Variants in MYO5B observed in about 807,000 individuals in gnomAD.
The protein encoded by MYO5B is unconventional myosin-Vb.
In MYO5B, 143 loss-of-function variants were observed where a neutral mutation model predicts 229.3. That is an observed-to-expected ratio of 0.62 (90% CI 0.54 to 0.72). The LOEUF is 0.72. Ranked by LOEUF, MYO5B falls within the 30% of genes least tolerant of loss-of-function variation. MYO5B has a pLI of 0.00. For missense variants in MYO5B, 2,321 were observed against 2,331.0 expected (o/e 1.00, Z 0.09); for synonymous variants, 918 against 885.2 (o/e 1.04, Z -0.66).
At chr18:50,191,076 C>A (rs1599092589) in intron 1 of MYO5B, among the ~76,000 whole-genome samples, 2 of 152,200 alleles carry the variant, frequency 1.3e-5, no homozygotes, top group Admixed American at 1.3e-4. Context: ...GTAGCAGGCA[C>A]GACTTCCCTG....
chr18:49,891,718 C>T (rs763233218), intron 22 of MYO5B, among the ~76,000 whole-genome samples: 1 of 152,208 alleles, frequency 6.6e-6, no homozygotes, highest in Non-Finnish European at 1.5e-5. Flanking sequence ...GGAGAAGGCT[C>T]AACACACTCT....
intron 9 of MYO5B, among the ~76,000 whole-genome samples, chr18:49,980,190 T>C (rs1159353882): frequency 1.3e-5 from 2 of 152,230 alleles, no homozygotes; most frequent in Non-Finnish European, 2.9e-5. Context: ...TTCAGGGTAC[T>C]TGGGAAATCA....
chr18:49,984,695 T>A, intron 8 of MYO5B, 23 bp downstream of exon 8: 1 of 1,567,212 alleles, frequency 6.4e-7, no homozygotes. Context: ...GGGGCCTGCT[T>A]CCCCAACTAA....
rs1458722301 is a variant in MYO5B at position 50,051,505 on chromosome 18, TG to T, written c.138+3762del. 2.0e-5 allele frequency among the ~76,000 whole-genome samples: 3 copies of T among 152,154 alleles called. No individual in the cohort carries two copies. The East Asian group carries it at 5.8e-4, about 29-fold the overall frequency. ...GGAGTCAAGCAGTCAAAAAGGGAGG[TG>T]GGGCCAGGAGAGAGAAGGCCTGGCC... is the stretch of plus-strand genomic sequence containing the variant. On this transcript the variant is annotated intron_variant, in intron 2 of 39. Transcript: ENST00000285039.
chr18:50,085,510 T>C (rs1056129336), intron 1 of MYO5B, among the ~76,000 whole-genome samples: 7 of 151,968 alleles, frequency 4.6e-5, no homozygotes, highest in Non-Finnish European at 1.0e-4. Flanking sequence ...AGTGTGGTGA[T>C]TCCTCAGGGA....
At chr18:50,074,062 C>T (rs752712279) in intron 1 of MYO5B, among the ~76,000 whole-genome samples, 4 of 152,112 alleles carry the variant, frequency 2.6e-5, no homozygotes, top group Non-Finnish European at 4.4e-5. Context: ...AAGACATACC[C>T]GAGACTGGGA....
Position 49,902,596 on chromosome 18 carries a change from G to T in MYO5B, c.2809C>A (p.Gln937Lys), listed in dbSNP as rs772660758. The T allele has an allele frequency of 6.2e-7, 1 of 1,611,666 alleles. No homozygotes were observed. The highest frequency in any genetic ancestry group is 1.3e-5 in the African/African-American group (1 of 75,044). Residue 937 changes from glutamine (Q) to lysine (K), a missense_variant and splice_region_variant, in exon 21 of 40, where the codon CAG becomes AAG. Gln to Lys is a moderately conservative substitution (Grantham distance 53). Coordinates refer to ENST00000285039, the MANE Select transcript of MYO5B (RefSeq NM_001080467.3). The stretch of plus-strand genomic sequence containing the variant: ...GGTAGGGAGCTGCAGACACTGACCT[G>T]CTCATCGATCTTCCGCTGCAGCTGG... ...VVQLQRKIDE[Q>K]NKEFKTLSEQ...
chr18:50,169,218 A>G lies in MYO5B; in HGVS notation c.27+25549T>C, dbSNP rs1250170341. 2.4e-5 allele frequency among the ~76,000 whole-genome samples: 3 copies of G among 127,584 alleles called. 1 individual carries two copies. The highest frequency in any genetic ancestry group is 5.0e-5 in the Non-Finnish European group (3 of 59,854). 83.7% of individuals were successfully genotyped at this position (127,584 alleles called of 152,430 possible). ...CTGCTATTCAAGAGGCTGAGGCAGGAGGATCCCTTGAGCCCAAGAGGCTGC... is the reference window on the plus strand; with the variant it reads ...CTGCTATTCAAGAGGCTGAGGCAGGGGGATCCCTTGAGCCCAAGAGGCTGC... On this transcript the variant is annotated intron_variant, in intron 1 of 39. Transcript: ENST00000285039.
chr18:49,879,070 C>T lies in MYO5B; in HGVS notation c.3151G>A (p.Val1051Met). 1 of 1,614,094 alleles carries T rather than the reference C, an allele frequency of 6.2e-7. No individual in the cohort carries two copies. The highest frequency in any genetic ancestry group is 1.7e-5 in the Admixed American group (1 of 60,022). ...TCTTTCTTCATGAGATTTTCCTTCA[C>T]AGAGTTCTGGGCAAATTCATCTGGA... ...QSKDEFAQNS[V>M]KENLMKKELE... is the part of the protein sequence containing the mutation. The change falls in exon 24 of 40, where the codon GTG (valine) becomes ATG (methionine). Residue 1051 changes from valine to methionine, a missense_variant. Val to Met is a conservative substitution (Grantham distance 21, BLOSUM62 1). This residue lies in a region of MYO5B where 2,113 missense variants were observed against 2,044.7 expected (regional missense o/e 1.03). Coordinates refer to ENST00000285039, the MANE Select transcript of MYO5B (RefSeq NM_001080467.3).
intron 4 of MYO5B, among the ~76,000 whole-genome samples, chr18:50,009,572 T>C (rs1465153109): frequency 6.6e-6 from 1 of 151,998 alleles, no homozygotes; most frequent in African/African-American, 2.4e-5. Context: ...CGAAAGGTTA[T>C]GTGGGGAGAG....
rs184336681 is a variant in MYO5B at position 50,086,039 on chromosome 18, C to T, written c.28-30661G>A. Among the ~76,000 whole-genome samples the T allele has an allele frequency of 8.1e-3, 1,232 of 152,014 alleles. 17 individuals are homozygous for T. The highest frequency in any genetic ancestry group is 0.028 in the African/African-American group (1,167 of 41,440). ...ATGTAACAAACCTGCACATTGTGCACATGTACCCTAAAACTTAAAGTATAA... is the reference window on the plus strand; with the variant it reads ...ATGTAACAAACCTGCACATTGTGCATATGTACCCTAAAACTTAAAGTATAA... On this transcript the variant is annotated intron_variant, in intron 1 of 39. Coordinates refer to ENST00000285039, the MANE Select transcript of MYO5B (RefSeq NM_001080467.3).
intron 4 of MYO5B, among the ~76,000 whole-genome samples, chr18:50,030,876 G>GAAAAAAAAAAAAAAAAAAAAAAAAA (rs869189090): frequency 4.3e-4 from 13 of 30,500 alleles, no homozygotes; most frequent in Non-Finnish European, 5.2e-4. Context: ...CTCCCTTTCA[G>GAAAAAAAAAAAAAAAAAAAAAAAAA]AAAAAAAAAA....
chr18:50,019,827 A>C (rs1343189105), intron 4 of MYO5B, among the ~76,000 whole-genome samples: 1 of 152,096 alleles, frequency 6.6e-6, no homozygotes, highest in Admixed American at 6.5e-5. Context: ...AAAGAATTGG[A>C]CCAAAAAATA....
intron 1 of MYO5B, among the ~76,000 whole-genome samples, chr18:50,088,451 T>C (rs528365095): frequency 6.6e-6 from 1 of 152,222 alleles, no homozygotes; most frequent in African/African-American, 2.4e-5. Flanking sequence ...AAACCACCAA[T>C]GTGAAATATT....
chr18:49,858,663 G>T (rs566596665), intron 29 of MYO5B, among the ~76,000 whole-genome samples: 2 of 152,338 alleles, frequency 1.3e-5, no homozygotes, highest in South Asian at 4.1e-4. Flanking sequence ...ATTAATGAAT[G>T]CCCAGGCCAC....
rs202093525 is a variant in MYO5B, at chr18:49,974,409, G to C, written c.1263C>G (p.Asn421Lys). Residue 421 changes from asparagine (N) to lysine (K), a missense_variant, in exon 10 of 40, where the codon AAC becomes AAG. Physicochemically the swap from Asn to Lys is moderately conservative, Grantham distance 94. Transcript: ENST00000285039. ...GCTTGAGGGAGGTGTGCAGGGCCTT[G>C]TTGATGTGCTCCACAATCCAGCCGA... Reference protein sequence around the residue: ...QLFGWIVEHINKALHTSLKQH... With the variant: ...QLFGWIVEHIKKALHTSLKQH... 11 of 1,614,206 alleles carry C rather than the reference G, an allele frequency of 6.8e-6. No homozygotes were observed. In the Admixed American group the frequency reaches 1.5e-4, roughly 22 times the overall value.
intron 2 of MYO5B, among the ~76,000 whole-genome samples, chr18:50,041,536 C>A (rs1427686298): frequency 6.6e-6 from 1 of 151,574 alleles, no homozygotes; most frequent in African/African-American, 2.4e-5. Flanking sequence ...TGTTAAATTG[C>A]AAATAAAAGG....
At chr18:50,032,221 C>T (rs992295442) in intron 4 of MYO5B, among the ~76,000 whole-genome samples, 1 of 152,180 alleles carries the variant, frequency 6.6e-6, no homozygotes, top group Non-Finnish European at 1.5e-5. Flanking sequence ...ACAGAACACA[C>T]AATTCACTCA....
intron 27 of MYO5B, among the ~76,000 whole-genome samples, chr18:49,871,004 T>C (rs987430065): frequency 4.6e-5 from 7 of 152,294 alleles, no homozygotes; most frequent in Non-Finnish European, 1.0e-4. Flanking sequence ...CCATGTTCAG[T>C]ACAGCATTAT....
Sources: allele counts gnomAD v4.1 joint callset (sites outside exome capture counted in the v4.1 genomes callset), GRCh38; gene constraint gnomAD v4.1.1; regional missense constraint gnomAD v4.1.1; transcripts MANE v1.5; gene names NCBI Gene and HGNC (gene_info 2026-07-23, HGNC 2026-07-21).